Variants in AFF3 observed in about 807,000 individuals in gnomAD.
AFF3 encodes ALF transcription elongation factor 3, also known as AF4/FMR2 family member 3.
In AFF3, 32 loss-of-function variants were observed where a neutral mutation model predicts 129.7. The observed-to-expected ratio is 0.25, with a 90% CI of 0.19 to 0.33. The LOEUF is 0.33. AFF3 is among the 10% of genes least tolerant of loss of function. AFF3 has a pLI of 1.00. For missense variants in AFF3, 1,373 were observed against 1,592.0 expected (o/e 0.86, Z 2.34); for synonymous variants, 644 against 635.4 (o/e 1.01, Z -0.20).
intron 7 of AFF3, among the ~76,000 whole-genome samples, chr2:99,993,792 C>CTTTTTTTTTTTTTTT (rs751882272): frequency 1.4e-5 from 1 of 72,538 alleles, no homozygotes; most frequent in Non-Finnish European, 2.5e-5. Context: ...AACACTTTAT[C>CTTTTTTTTTTTTTTT]TTTTTTTTTT....
chr2:100,034,548 C>A (rs1054847527), intron 4 of AFF3, among the ~76,000 whole-genome samples: 7 of 150,440 alleles, frequency 4.7e-5, no homozygotes, highest in Admixed American at 4.6e-4. Flanking sequence ...TTTTTTTAAT[C>A]TGCAAAAACT....
At chr2:99,712,726 T>G (rs1229267848) in intron 11 of AFF3, among the ~76,000 whole-genome samples, 1 of 152,158 alleles carries the variant, frequency 6.6e-6, no homozygotes, top group Non-Finnish European at 1.5e-5. Flanking sequence ...TCATAAAGTT[T>G]TGAGGTGGGT....
At chr2:99,755,732 C>T (rs559111862) in intron 8 of AFF3, among the ~76,000 whole-genome samples, 7 of 152,304 alleles carry the variant, frequency 4.6e-5, no homozygotes, top group South Asian at 2.1e-4. Context: ...CTTGAAGATT[C>T]GGAATCTTGG....
At chr2:99,835,340 C>T (rs564189167) in intron 8 of AFF3, among the ~76,000 whole-genome samples, 1 of 152,152 alleles carries the variant, frequency 6.6e-6, no homozygotes, top group African/African-American at 2.4e-5. Context: ...TTCTGCCTTT[C>T]CCTCTCCTTG....
chr2:100,036,120 G>A (rs1188860505), intron 4 of AFF3, among the ~76,000 whole-genome samples: 3 of 66,154 alleles, frequency 4.5e-5, no homozygotes, highest in South Asian at 5.3e-4. Flanking sequence ...GCCAAGTTCT[G>A]AAAAATACAG....
chr2:99,853,598 T>C (rs1690305632), intron 7 of AFF3, among the ~76,000 whole-genome samples: 1 of 151,920 alleles, frequency 6.6e-6, no homozygotes, highest in African/African-American at 2.4e-5. Context: ...CATTATATCA[T>C]TTAATCACCA....
intron 4 of AFF3, among the ~76,000 whole-genome samples, chr2:100,015,607 TA>T (rs1207179250): frequency 6.6e-6 from 1 of 152,242 alleles, no homozygotes; most frequent in African/African-American, 2.4e-5. Flanking sequence ...AAGCAAATGA[TA>T]AAAATTAAAA....
intron 18 of AFF3, among the ~76,000 whole-genome samples, 182 bp downstream of exon 18, chr2:99,578,145 C>T (rs112983431): frequency 2.0e-5 from 3 of 152,102 alleles, no homozygotes; most frequent in African/African-American, 4.8e-5. Context: ...AGGACTCAGG[C>T]GTGCACTCAA....
intron 15 of AFF3, among the ~76,000 whole-genome samples, chr2:99,590,180 G>T (rs1418158560): frequency 6.6e-6 from 1 of 152,236 alleles, no homozygotes; most frequent in Admixed American, 6.5e-5. Flanking sequence ...CCTGGATGAG[G>T]GATGGGCAAG....
chr2:100,081,300 T>G (rs1174326338), intron 4 of AFF3, among the ~76,000 whole-genome samples: 2 of 152,064 alleles, frequency 1.3e-5, no homozygotes, highest in Non-Finnish European at 2.9e-5. Context: ...GAGGCCCATT[T>G]TCTCTAACCA....
intron 7 of AFF3, among the ~76,000 whole-genome samples, chr2:99,976,626 C>A (rs992707124): frequency 1.3e-5 from 2 of 152,146 alleles, no homozygotes; most frequent in African/African-American, 4.8e-5. Flanking sequence ...CAAAGGAAAT[C>A]CACAAGGCCT....
chr2:100,072,698 T>C (rs1176585527), intron 4 of AFF3, among the ~76,000 whole-genome samples: 1 of 152,202 alleles, frequency 6.6e-6, no homozygotes, highest in Non-Finnish European at 1.5e-5. Flanking sequence ...TTGTTCCTCA[T>C]GTGTATTAAG....
chr2:100,106,167 GAATC>G, intron 2 of AFF3: 1 of 1,203,938 alleles, frequency 8.3e-7, no homozygotes, highest in Non-Finnish European at 1.1e-6. Context: ...CCCCAGCTCT[GAATC>G]AATCCTTTCT....
chr2:99,943,775 C>T (rs903520721), intron 7 of AFF3, among the ~76,000 whole-genome samples: 9 of 152,160 alleles, frequency 5.9e-5, no homozygotes, highest in African/African-American at 2.2e-4. Context: ...TGTTCTTGGT[C>T]TCCTCTCTAA....
At chr2:99,650,447 G>A (rs755593049) in intron 12 of AFF3, among the ~76,000 whole-genome samples, 1 of 152,034 alleles carries the variant, frequency 6.6e-6, no homozygotes, top group African/African-American at 2.4e-5. Flanking sequence ...TAGTCCCAGT[G>A]ACTCAGGAGG....
chr2:100,001,219 A>G (rs1391287049), intron 7 of AFF3, among the ~76,000 whole-genome samples: 1 of 152,204 alleles, frequency 6.6e-6, no homozygotes, highest in Non-Finnish European at 1.5e-5. Context: ...GGTCAGTGGT[A>G]GTTTCCCACC....
chr2:99,883,088 G>A (rs1401388734), intron 7 of AFF3, among the ~76,000 whole-genome samples: 1 of 152,136 alleles, frequency 6.6e-6, no homozygotes, highest in East Asian at 1.9e-4. Context: ...AACTGGCTAG[G>A]ATATCAATAA....
At chr2:99,640,570 T>C (rs905280462) in intron 13 of AFF3, among the ~76,000 whole-genome samples, 1 of 152,078 alleles carries the variant, frequency 6.6e-6, no homozygotes, top group African/African-American at 2.4e-5. Context: ...TGCTTCACGA[T>C]GTCTTGTAAA....
chr2:99,924,750 T>C (rs1197790560), intron 7 of AFF3, among the ~76,000 whole-genome samples: 3 of 152,176 alleles, frequency 2.0e-5, no homozygotes, highest in Admixed American at 1.3e-4. Context: ...AAAACCGACA[T>C]CATGAGGTCA....
Sources: allele counts gnomAD v4.1 joint callset (sites outside exome capture counted in the v4.1 genomes callset), GRCh38; gene constraint gnomAD v4.1.1; transcripts MANE v1.5; gene names NCBI Gene and HGNC (gene_info 2026-07-23, HGNC 2026-07-21).